The following NDST3 variants were observed in gnomAD, a reference collection of about 807,000 sequenced individuals.
The protein encoded by NDST3 is N-deacetylase and N-sulfotransferase 3, also known as bifunctional heparan sulfate N-deacetylase/N-sulfotransferase 3.
Under a neutral mutation model 96.1 loss-of-function variants are expected in NDST3, and 58 were observed. That is an observed-to-expected ratio of 0.60 (90% confidence interval 0.49 to 0.75). The LOEUF (loss-of-function observed/expected upper bound fraction) is 0.75, where lower values mean the gene tolerates loss of function less well. Ranked by LOEUF, NDST3 falls within the 30% of genes least tolerant of loss-of-function variation. The pLI is 0.00. For synonymous variants in NDST3, 333 were observed against 359.7 expected (o/e 0.93, Z 0.84); for missense variants, 788 against 1,034.2 (o/e 0.76, Z 3.27).
intron 4 of NDST3, among the ~76,000 whole-genome samples, chr4:118,116,639 C>T (rs1180236162): frequency 2.6e-5 from 4 of 151,998 alleles, no homozygotes; most frequent in Non-Finnish European, 2.9e-5. Flanking sequence ...GGGCGGATCA[C>T]GAGGTCAGGA....
chr4:118,043,930 G>T (rs1724609318), intron 1 of NDST3, among the ~76,000 whole-genome samples: 1 of 152,178 alleles, frequency 6.6e-6, no homozygotes, highest in Admixed American at 6.5e-5. Context: ...TTTTTCTTTA[G>T]CTTCAGAAGG....
At chr4:118,193,012 G>A (rs1407940974) in intron 6 of NDST3, among the ~76,000 whole-genome samples, 1 of 152,102 alleles carries the variant, frequency 6.6e-6, no homozygotes, top group African/African-American at 2.4e-5. Context: ...ACTGGGAGAG[G>A]GAAAGGATGA....
intron 4 of NDST3, among the ~76,000 whole-genome samples, chr4:118,117,798 C>A (rs1390051668): frequency 1.3e-5 from 2 of 152,124 alleles, no homozygotes; most frequent in Non-Finnish European, 2.9e-5. Flanking sequence ...GTGCCCCCTG[C>A]CGAGGCTTCC....
intron 6 of NDST3, among the ~76,000 whole-genome samples, chr4:118,165,320 C>T (rs1735472258): frequency 6.6e-6 from 1 of 151,544 alleles, no homozygotes; most frequent in Non-Finnish European, 1.5e-5. Flanking sequence ...AAAACTGTCA[C>T]ACAAAAAAAG....
At chr4:118,252,142 G>T (rs1193332159) in intron 12 of NDST3, among the ~76,000 whole-genome samples, 1 of 152,128 alleles carries the variant, frequency 6.6e-6, no homozygotes, top group Non-Finnish European at 1.5e-5. Context: ...GAAGAAAAAT[G>T]GCAATATAAT....
At position 118,100,606 on chromosome 4, in the gene NDST3, T is replaced by A. The variant is rs368860872; in HGVS notation, c.982-4412T>A. On this transcript the variant is annotated intron_variant, in intron 2 of 13. Coordinates refer to ENST00000296499, the MANE Select transcript of NDST3 (RefSeq NM_004784.3). ...AATATTGAAAGTGGAAAAAAGAGCA[T>A]CCTTGTCTTCGTTTCTGGAAGATTA... 2.0e-5 allele frequency among the ~76,000 whole-genome samples: 3 copies of A among 152,254 alleles called. No individual in the cohort carries two copies. The South Asian group carries it at 6.2e-4, about 32-fold the overall frequency.
At chr4:118,142,163 A>G (rs756631270) in intron 5 of NDST3, among the ~76,000 whole-genome samples, 2 of 152,016 alleles carry the variant, frequency 1.3e-5, no homozygotes, top group Non-Finnish European at 2.9e-5. Flanking sequence ...GATCATGAGG[A>G]TGCATAATGC....
At chr4:118,084,265 T>A (rs1003043357) in intron 2 of NDST3, among the ~76,000 whole-genome samples, 1 of 152,184 alleles carries the variant, frequency 6.6e-6, no homozygotes, top group Non-Finnish European at 1.5e-5. Flanking sequence ...ATGATGGATA[T>A]GTTATTTGCT....
intron 2 of NDST3, among the ~76,000 whole-genome samples, chr4:118,061,148 G>A (rs1035741422): frequency 1.3e-5 from 2 of 151,964 alleles, no homozygotes; most frequent in Non-Finnish European, 2.9e-5. Context: ...TTTCCCTCAC[G>A]CTACTGCAGC....
At chr4:118,240,925 G>C (rs944398820) in intron 11 of NDST3, among the ~76,000 whole-genome samples, 9 of 152,146 alleles carry the variant, frequency 5.9e-5, no homozygotes, top group Non-Finnish European at 1.3e-4. Context: ...TTTCCTGATT[G>C]TAAAAAGCTT....
At chr4:118,225,690 A>C (rs1739829450) in intron 7 of NDST3, among the ~76,000 whole-genome samples, 1 of 152,210 alleles carries the variant, frequency 6.6e-6, no homozygotes, top group South Asian at 2.1e-4. Context: ...CACAGATTGA[A>C]GTTGTTAACT....
At chr4:118,068,166 C>CTTTTTTTTT (rs34891564) in intron 2 of NDST3, among the ~76,000 whole-genome samples, 8 of 84,308 alleles carry the variant, frequency 9.5e-5, no homozygotes, top group South Asian at 5.0e-4. Context: ...TACTTGATCT[C>CTTTTTTTTT]TTTTTTTTTT....
At chr4:118,170,259 T>C (rs1180512194) in intron 6 of NDST3, among the ~76,000 whole-genome samples, 1 of 152,216 alleles carries the variant, frequency 6.6e-6, no homozygotes, top group Non-Finnish European at 1.5e-5. Context: ...GACTGTATAA[T>C]AGATGATACT....
chr4:118,035,250 G>A (rs907321374), intron 1 of NDST3, among the ~76,000 whole-genome samples: 32 of 152,014 alleles, frequency 2.1e-4, no homozygotes, highest in African/African-American at 6.3e-4. Context: ...ATTTAATGTC[G>A]AAAATGTATT....
intron 6 of NDST3, among the ~76,000 whole-genome samples, chr4:118,146,170 G>A (rs1733929283): frequency 6.6e-6 from 1 of 152,194 alleles, no homozygotes; most frequent in Non-Finnish European, 1.5e-5. Context: ...GGATGGAAAT[G>A]AGAAAACCTT....
intron 6 of NDST3, among the ~76,000 whole-genome samples, chr4:118,175,517 C>T (rs1328953694): frequency 2.0e-5 from 3 of 152,012 alleles, no homozygotes; most frequent in African/African-American, 7.2e-5. Flanking sequence ...CTTTTCTTTC[C>T]TAGACAACAC....
At chr4:118,135,063 C>A (rs928981963) in intron 4 of NDST3, among the ~76,000 whole-genome samples, 1 of 152,192 alleles carries the variant, frequency 6.6e-6, no homozygotes, top group Non-Finnish European at 1.5e-5. Flanking sequence ...ACACTACCTG[C>A]AATCTTAACC....
At chr4:118,063,840 G>C (rs1016212479) in intron 2 of NDST3, among the ~76,000 whole-genome samples, 1 of 152,034 alleles carries the variant, frequency 6.6e-6, no homozygotes, top group African/African-American at 2.4e-5. Flanking sequence ...AGATCTACCT[G>C]GCTCCAAAAT....
At chr4:118,112,828 C>G (rs901766006) in intron 3 of NDST3, among the ~76,000 whole-genome samples, 2 of 152,136 alleles carry the variant, frequency 1.3e-5, no homozygotes, top group African/African-American at 4.8e-5. Flanking sequence ...TATGAAGCTT[C>G]CCTGAGCCAT....
Sources: allele counts gnomAD v4.1 joint callset (sites outside exome capture counted in the v4.1 genomes callset), GRCh38; gene constraint gnomAD v4.1.1; transcripts MANE v1.5; gene names NCBI Gene and HGNC (gene_info 2026-07-23, HGNC 2026-07-21).